The following KCNB2 variants were observed in gnomAD, a reference collection of about 807,000 sequenced individuals.
The protein encoded by KCNB2 is delayed rectifier potassium channel protein.
Under a neutral mutation model 61.5 loss-of-function variants are expected in KCNB2, and 15 were observed. That is an observed-to-expected ratio of 0.24 (90% CI 0.16 to 0.38). The LOEUF is 0.38. Ranked by LOEUF, KCNB2 falls within the 10% of genes least tolerant of loss-of-function variation. The probability of loss-of-function intolerance (pLI) is 1.00; values close to 1 mark genes in which losing one functional copy is unlikely to be tolerated. For missense variants in KCNB2, 828 were observed against 1,125.2 expected (o/e 0.74, Z 3.78); for synonymous variants, 457 against 446.0 (o/e 1.02, Z -0.31).
intron 2 of KCNB2, among the ~76,000 whole-genome samples, chr8:72,754,594 C>T (rs765168260): frequency 3.9e-5 from 6 of 152,114 alleles, no homozygotes; most frequent in East Asian, 3.9e-4. Context: ...CCCAGCTTTT[C>T]GGCTATCCAG....
At chr8:72,675,195 A>T (rs566165537) in intron 2 of KCNB2, among the ~76,000 whole-genome samples, 48 of 152,334 alleles carry the variant, frequency 3.2e-4, no homozygotes, top group African/African-American at 1.2e-3. Flanking sequence ...AAACTTAATA[A>T]AAAGTGTTTA....
At chr8:72,621,886 A>C (rs182024574) in intron 2 of KCNB2, among the ~76,000 whole-genome samples, 1 of 152,218 alleles carries the variant, frequency 6.6e-6, no homozygotes, top group Non-Finnish European at 1.5e-5. Flanking sequence ...CATACATCTC[A>C]TAAGTGTTTG....
At chr8:72,844,856 C>A (rs901556945) in intron 2 of KCNB2, among the ~76,000 whole-genome samples, 7 of 152,150 alleles carry the variant, frequency 4.6e-5, no homozygotes, top group African/African-American at 1.7e-4. Context: ...TTTTAAGGTT[C>A]TTAGCATCCT....
chr8:72,539,316 T>C (rs1426321000), intron 1 of KCNB2, among the ~76,000 whole-genome samples: 1 of 152,212 alleles, frequency 6.6e-6, no homozygotes, highest in African/African-American at 2.4e-5. Context: ...CTGAAAATAC[T>C]GAAGGTCCAA....
chr8:72,887,826 C>T (rs1320263472), intron 2 of KCNB2, among the ~76,000 whole-genome samples: 1 of 152,218 alleles, frequency 6.6e-6, no homozygotes, highest in Non-Finnish European at 1.5e-5. Flanking sequence ...GAAGCCAGGG[C>T]CCTACACTTT....
At chr8:72,774,166 A>C (rs1029686785) in intron 2 of KCNB2, among the ~76,000 whole-genome samples, 1 of 152,162 alleles carries the variant, frequency 6.6e-6, no homozygotes, top group South Asian at 2.1e-4. Context: ...ATGATGAGTC[A>C]TGGGGTTAGT....
chr8:72,874,494 C>A (rs1189893669), intron 2 of KCNB2, among the ~76,000 whole-genome samples: 1 of 152,188 alleles, frequency 6.6e-6, no homozygotes, highest in Non-Finnish European at 1.5e-5. Context: ...AGCTAAGTGA[C>A]AAGCAGGGCA....
intron 2 of KCNB2, among the ~76,000 whole-genome samples, chr8:72,612,189 C>T (rs1805552923): frequency 6.6e-6 from 1 of 152,108 alleles, no homozygotes; most frequent in Non-Finnish European, 1.5e-5. Flanking sequence ...TAAGCATTAA[C>T]ATCATAAGCC....
intron 2 of KCNB2, among the ~76,000 whole-genome samples, chr8:72,599,985 A>G (rs569274370): frequency 6.6e-6 from 1 of 152,350 alleles, no homozygotes; most frequent in Non-Finnish European, 1.5e-5. Context: ...ACACTTTTAC[A>G]CTGTTGGTGG....
chr8:72,601,085 A>T (rs1805344268), intron 2 of KCNB2, among the ~76,000 whole-genome samples: 1 of 152,132 alleles, frequency 6.6e-6, no homozygotes, highest in Non-Finnish European at 1.5e-5. Context: ...TACCTGTAAA[A>T]AAAAGGGTAT....
intron 2 of KCNB2, among the ~76,000 whole-genome samples, chr8:72,716,476 G>A (rs905805939): frequency 6.6e-6 from 1 of 152,186 alleles, no homozygotes; most frequent in African/African-American, 2.4e-5. Flanking sequence ...GATCAAGTGG[G>A]CTTCATCCCT....
intron 2 of KCNB2, among the ~76,000 whole-genome samples, chr8:72,651,559 A>C (rs943258540): frequency 2.0e-5 from 3 of 152,156 alleles, no homozygotes; most frequent in African/African-American, 4.8e-5. Flanking sequence ...GTGCTGAGCC[A>C]CACAAACCAG....
chr8:72,594,486 T>C (rs2128981761), intron 2 of KCNB2, among the ~76,000 whole-genome samples: 1 of 152,216 alleles, frequency 6.6e-6, no homozygotes, highest in East Asian at 1.9e-4. Context: ...GGTTGGGGAG[T>C]TGACATTTCA....
intron 2 of KCNB2, among the ~76,000 whole-genome samples, chr8:72,734,841 T>G (rs1807812471): frequency 6.6e-6 from 1 of 152,220 alleles, no homozygotes; most frequent in Non-Finnish European, 1.5e-5. Context: ...CAGAAAACTC[T>G]GAACTCTTTT....
chr8:72,609,143 G>T (rs572658813), intron 2 of KCNB2, among the ~76,000 whole-genome samples: 6 of 152,256 alleles, frequency 3.9e-5, no homozygotes, highest in African/African-American at 1.4e-4. Context: ...GCATTGAAGA[G>T]AATTTGTTCA....
At chr8:72,750,481 G>T (rs1448496498) in intron 2 of KCNB2, 1 of 152,090 alleles carries the variant, frequency 6.6e-6, no homozygotes, top group Non-Finnish European at 1.5e-5. Flanking sequence ...TATCCCATTG[G>T]TTCTTTGTAT....
In KCNB2 at chr8:72,937,424, C is replaced by A; in HGVS notation, c.2069C>A (p.Pro690His). Residue 690 changes from proline (P) to histidine (H), a missense_variant, in exon 3 of 3, where the codon CCT becomes CAT. This residue lies in a region of KCNB2 where 559 missense variants were observed against 588.4 expected (regional missense o/e 0.95). Transcript: ENST00000523207. ...ASGSQCGLHSPLQSDNATDSP... is the reference protein window; with the variant it reads ...ASGSQCGLHSHLQSDNATDSP... ...GGCTCCCAGTGTGGGCTACATAGTC[C>A]TTTGCAGTCTGACAATGCCACCGAC... is the stretch of plus-strand genomic sequence containing the variant. 1 of 1,614,002 alleles carries A rather than the reference C, an allele frequency of 6.2e-7. No homozygotes were observed. The highest frequency in any genetic ancestry group is 8.5e-7 in the Non-Finnish European group (1 of 1,180,010).
rs543719951 is a variant in KCNB2, at chr8:72,596,603, T to C, written c.579+28290T>C. Among the ~76,000 whole-genome samples, 7 of 152,352 alleles carry C rather than the reference T, an allele frequency of 4.6e-5. No homozygotes were observed. In the South Asian group the frequency reaches 1.4e-3, roughly 32 times the overall value. ...ATCCTTACTAATAGCTTCAGAATTT[T>C]CAAGAAATTGCATTCTATTTATAAC... On this transcript the variant is annotated intron_variant, in intron 2 of 2. Coordinates refer to ENST00000523207, the MANE Select transcript of KCNB2 (RefSeq NM_004770.3).
intron 2 of KCNB2, among the ~76,000 whole-genome samples, chr8:72,728,335 G>A (rs1807684956): frequency 6.6e-6 from 1 of 152,166 alleles, no homozygotes; most frequent in Non-Finnish European, 1.5e-5. Context: ...TCCTCACAGA[G>A]AAGCTGATCA....
Sources: gnomAD v4.1 joint callset for allele counts (sites outside exome capture counted in the v4.1 genomes callset) on GRCh38, gnomAD v4.1.1 for gene constraint, gnomAD v4.1.1 regional missense constraint, MANE v1.5 for transcripts, NCBI Gene and HGNC (gene_info 2026-07-23, HGNC 2026-07-21) for gene names.